Variants in RARB observed in about 807,000 individuals in gnomAD.
The protein encoded by RARB is HBV-activated protein.
In RARB, 17 loss-of-function variants were observed where a neutral mutation model predicts 51.9. The ratio of observed to expected loss-of-function variants is 0.33; its 90% CI spans 0.22 to 0.49. The LOEUF is 0.49. Among genes scored for constraint, RARB ranks in the 20% least tolerant of loss-of-function variants. The pLI, the probability that RARB is intolerant of heterozygous loss-of-function variation, is 0.99. For synonymous variants in RARB, 215 were observed against 195.4 expected (o/e 1.10, Z -0.84); for missense variants, 369 against 550.8 (o/e 0.67, Z 3.30).
At chr3:25,001,812 G>C (rs1272676588) in intron 2 of RARB, among the ~76,000 whole-genome samples, 1 of 152,108 alleles carries the variant, frequency 6.6e-6, no homozygotes, top group African/African-American at 2.4e-5. Context: ...TGTGTTCACT[G>C]AATCTTATCA....
At chr3:25,482,563 G>A (rs1201011383) in intron 2 of RARB, among the ~76,000 whole-genome samples, 3 of 90,852 alleles carry the variant, frequency 3.3e-5, no homozygotes, top group Admixed American at 1.6e-4. Context: ...TTTTTGAGAC[G>A]GAGTCTCTCT....
chr3:25,199,311 A>C (rs1461379056), intron 5 of RARB, among the ~76,000 whole-genome samples: 1 of 151,462 alleles, frequency 6.6e-6, no homozygotes, highest in Non-Finnish European at 1.5e-5. Flanking sequence ...AAGGTCGTTG[A>C]AGGTTGGGGG....
Position 25,428,409 on chromosome 3 carries a change from G to A in RARB, c.-323G>A. 4 of 1,268,334 alleles carry A rather than the reference G, an allele frequency of 3.2e-6. No individual in the cohort carries two copies. The African/African-American group carries it at 4.6e-5, about 15-fold the overall frequency. 78.6% of individuals were successfully genotyped at this position (1,268,334 alleles called of 1,614,324 possible). On this transcript the variant is annotated 5_prime_UTR_variant, in exon 1 of 8. Transcript: ENST00000330688. ...TCCGAGCAGGGTTTGTCTGGGCACCGTCGGGGTAGGATCCGGAACGCATTC... is the reference window on the plus strand; with the variant it reads ...TCCGAGCAGGGTTTGTCTGGGCACCATCGGGGTAGGATCCGGAACGCATTC...
intron 3 of RARB, among the ~76,000 whole-genome samples, chr3:25,514,694 T>A (rs1337003733): frequency 6.6e-6 from 1 of 152,222 alleles, no homozygotes; most frequent in Non-Finnish European, 1.5e-5. Flanking sequence ...AATCTTAAAA[T>A]AAAACTGAGG....
intron 2 of RARB, among the ~76,000 whole-genome samples, chr3:25,003,598 C>A (rs1214406248): frequency 6.6e-6 from 1 of 152,082 alleles, no homozygotes; most frequent in African/African-American, 2.4e-5. Flanking sequence ...TTGGTACCTT[C>A]TATGTGTTAG....
intron 4 of RARB, among the ~76,000 whole-genome samples, chr3:25,156,440 A>G (rs935868986): frequency 6.8e-6 from 1 of 147,158 alleles, no homozygotes; most frequent in African/African-American, 2.5e-5. Flanking sequence ...CATTGACATC[A>G]CTAGTGAATG....
At chr3:25,178,451 G>C (rs538822183) in intron 5 of RARB, among the ~76,000 whole-genome samples, 90 of 152,102 alleles carry the variant, frequency 5.9e-4, no homozygotes, top group African/African-American at 2.0e-3. Flanking sequence ...CCATTTTACA[G>C]ATAAAGACCA....
chr3:25,186,836 T>C (rs778494050), intron 5 of RARB, among the ~76,000 whole-genome samples: 4 of 151,690 alleles, frequency 2.6e-5, no homozygotes, highest in Non-Finnish European at 5.9e-5. Flanking sequence ...ATGTAAGTTA[T>C]ATATGCTTGG....
chr3:25,367,357 C>T lies in RARB; in HGVS notation c.179-93836C>T, dbSNP rs1706153462. On this transcript the variant is annotated intron_variant, in intron 5 of 11. Transcript: ENST00000383772. ...TTCTTGTTCTTGTCAGGAACTCCTTCCGTCAAATGGCAAAAGGGGAACACA... is the reference window on the plus strand; with the variant it reads ...TTCTTGTTCTTGTCAGGAACTCCTTTCGTCAAATGGCAAAAGGGGAACACA... Among the ~76,000 whole-genome samples the T allele has an allele frequency of 2.0e-5, 3 of 152,228 alleles. No individual in the cohort carries two copies. In the South Asian group the frequency reaches 6.2e-4, roughly 32 times the overall value.
At chr3:24,922,583 T>C (rs1457285240) in intron 2 of RARB, among the ~76,000 whole-genome samples, 1 of 152,162 alleles carries the variant, frequency 6.6e-6, no homozygotes, top group Non-Finnish European at 1.5e-5. Flanking sequence ...AGCTGGGATA[T>C]ACAGACAAGG....
chr3:24,964,063 T>C (rs902863962), intron 2 of RARB, among the ~76,000 whole-genome samples: 11 of 152,144 alleles, frequency 7.2e-5, no homozygotes, highest in Non-Finnish European at 1.0e-4. Context: ...TCTCCTTGTT[T>C]TTCTTCTGTT....
intron 2 of RARB, among the ~76,000 whole-genome samples, chr3:25,018,041 G>T (rs552046300): frequency 1.3e-5 from 2 of 152,144 alleles, no homozygotes; most frequent in African/African-American, 2.4e-5. Context: ...CTCCAGAACT[G>T]TGAGAAGTAA....
At chr3:24,975,521 A>G (rs779053702) in intron 2 of RARB, among the ~76,000 whole-genome samples, 10 of 152,300 alleles carry the variant, frequency 6.6e-5, no homozygotes, top group Non-Finnish European at 1.3e-4. Flanking sequence ...GAGATGCAGA[A>G]AGAGAATACA....
Position 25,531,514 on chromosome 3 carries a change from T to A in RARB, c.448+30191T>A, listed in dbSNP as rs536877814. 6.6e-5 allele frequency among the ~76,000 whole-genome samples: 10 copies of A among 152,190 alleles called. No individual in the cohort carries two copies. The South Asian group carries it at 2.1e-3, about 32-fold the overall frequency. ...CAAATTATTAAAGTCTTCTGGTAGT[T>A]TCTCTGGTGATAATGTATTTAATCT... On this transcript the variant is annotated intron_variant, in intron 3 of 7. Coordinates refer to ENST00000330688, the MANE Select transcript of RARB (RefSeq NM_000965.5).
At chr3:25,097,717 C>T (rs1264004545) in intron 3 of RARB, among the ~76,000 whole-genome samples, 1 of 152,138 alleles carries the variant, frequency 6.6e-6, no homozygotes, top group African/African-American at 2.4e-5. Flanking sequence ...ATGTCCCAGA[C>T]CAGTTCCAAA....
intron 3 of RARB, among the ~76,000 whole-genome samples, chr3:25,105,654 G>A (rs1699485779): frequency 6.6e-6 from 1 of 152,174 alleles, no homozygotes; most frequent in African/African-American, 2.4e-5. Context: ...TGTGTCAGGG[G>A]AAGCAGCTTC....
intron 5 of RARB, chr3:25,345,976 G>A (rs975697242): frequency 4.3e-5 from 32 of 749,208 alleles, no homozygotes; most frequent in Non-Finnish European, 5.0e-5. Context: ...CTGCAGTTTG[G>A]GGCTGGCTCC....
At chr3:25,213,300 A>G (rs1303376173) in intron 5 of RARB, among the ~76,000 whole-genome samples, 1 of 152,042 alleles carries the variant, frequency 6.6e-6, no homozygotes, top group African/African-American at 2.4e-5. Context: ...TACACTACAT[A>G]CTATATAATC....
At chr3:24,953,225 C>G (rs74847507) in intron 2 of RARB, among the ~76,000 whole-genome samples, 2,401 of 152,166 alleles carry the variant, frequency 0.016, 33 homozygotes, top group Non-Finnish European at 0.024. Flanking sequence ...GAGTAATTCA[C>G]TCCCTAGAAC....
Sources: allele counts gnomAD v4.1 joint callset (sites outside exome capture counted in the v4.1 genomes callset), GRCh38; gene constraint gnomAD v4.1.1; transcripts MANE v1.5; gene names NCBI Gene and HGNC (gene_info 2026-07-23, HGNC 2026-07-21).